Variants in TMEM232 observed in about 807,000 individuals in gnomAD.
TMEM232 encodes transmembrane protein 232.
A neutral mutation model predicts 78.8 loss-of-function variants in TMEM232; 80 were observed. The ratio of observed to expected loss-of-function variants is 1.01; its 90% CI spans 0.85 to 1.22. TMEM232 has a LOEUF of 1.22. Ranked by LOEUF, TMEM232 falls within the 50% of genes most tolerant of loss-of-function variation. The probability of loss-of-function intolerance (pLI) is 0.00; values close to 1 mark genes in which losing one functional copy is unlikely to be tolerated. For synonymous variants in TMEM232, 297 were observed against 254.3 expected, an observed-to-expected ratio of 1.17 and a Z score of -1.60; for missense variants, 881 against 742.2, an observed-to-expected ratio of 1.19 and a Z score of -2.17.
At chr5:110,694,931 A>T (rs547346003) in intron 1 of TMEM232, among the ~76,000 whole-genome samples, 1 of 152,278 alleles carries the variant, frequency 6.6e-6, no homozygotes, top group South Asian at 2.1e-4. Flanking sequence ...GGAATTGAAC[A>T]CAGCTCTGCA....
At chr5:110,680,316 G>C (rs1372312106) in intron 1 of TMEM232, among the ~76,000 whole-genome samples, 1 of 146,570 alleles carries the variant, frequency 6.8e-6, no homozygotes, top group Non-Finnish European at 1.5e-5. Flanking sequence ...AGAATCACTT[G>C]AACCCGGGAG....
chr5:110,670,252 T>A (rs1190794135), intron 1 of TMEM232, among the ~76,000 whole-genome samples: 1 of 152,118 alleles, frequency 6.6e-6, no homozygotes, highest in African/African-American at 2.4e-5. Flanking sequence ...CAGCCCAAAA[T>A]CTCCTTAAGC....
intron 11 of TMEM232, among the ~76,000 whole-genome samples, chr5:110,565,386 TTAGA>T (rs1776216928): frequency 6.6e-6 from 1 of 151,966 alleles, no homozygotes; most frequent in Admixed American, 6.6e-5. Flanking sequence ...CCAAGGTCAC[TTAGA>T]TACTCTGTGG....
intron 12 of TMEM232, among the ~76,000 whole-genome samples, chr5:110,482,463 C>T (rs907385785): frequency 2.0e-5 from 3 of 151,812 alleles, no homozygotes; most frequent in Non-Finnish European, 2.9e-5. Context: ...TGCTTATAAT[C>T]CCAGCTACTC....
chr5:110,420,823 C>A, intron 13 of TMEM232, 67 bp from the exon 14 acceptor site: 1 of 1,461,792 alleles, frequency 6.8e-7, no homozygotes, highest in Non-Finnish European at 8.9e-7. Flanking sequence ...TTTAGCTGCT[C>A]AAAATGCAGA....
chr5:110,700,366 T>C (rs1042387539), intron 1 of TMEM232, among the ~76,000 whole-genome samples: 3 of 152,038 alleles, frequency 2.0e-5, no homozygotes, highest in African/African-American at 7.2e-5. Context: ...TGTGGTCAAA[T>C]TGCACCAAAT....
intron 1 of TMEM232, among the ~76,000 whole-genome samples, chr5:110,672,934 C>T (rs1454271048): frequency 4.0e-5 from 6 of 151,854 alleles, no homozygotes; most frequent in Non-Finnish European, 5.9e-5. Context: ...ACCATTTGAC[C>T]CAGCCATCCC....
At chr5:110,707,275 A>G (rs1464402349) in intron 1 of TMEM232, among the ~76,000 whole-genome samples, 1 of 152,174 alleles carries the variant, frequency 6.6e-6, no homozygotes, top group African/African-American at 2.4e-5. Context: ...GTCATGAATC[A>G]CCGAAACCAC....
At position 110,700,136 on chromosome 5, in the gene TMEM232, A is replaced by C. The variant is rs1446965257; in HGVS notation, c.-13+26491T>G. ...CAAGAACCAGTAAATTGTTTCGCAC[A>C]AATAATTCCCCAGGTATTTTCTAAG... On this transcript the variant is annotated intron_variant, in intron 1 of 13. Coordinates refer to ENST00000455884, the MANE Select transcript of TMEM232 (RefSeq NM_001039763.4). 2.6e-5 allele frequency among the ~76,000 whole-genome samples: 4 copies of C among 152,198 alleles called. No homozygotes were observed. In the East Asian group the frequency reaches 7.7e-4, roughly 29 times the overall value.
At chr5:110,613,255 A>C (rs1782533916) in intron 8 of TMEM232, among the ~76,000 whole-genome samples, 1 of 151,920 alleles carries the variant, frequency 6.6e-6, no homozygotes, top group South Asian at 2.1e-4. Flanking sequence ...TTCTTTTTGT[A>C]CTGTAGGATC....
intron 1 of TMEM232, among the ~76,000 whole-genome samples, chr5:110,691,537 G>C (rs148455621): frequency 6.6e-6 from 1 of 152,330 alleles, no homozygotes; most frequent in African/African-American, 2.4e-5. Context: ...AGTGGGCCAA[G>C]ATGGCTTCAG....
intron 2 of TMEM232, among the ~76,000 whole-genome samples, chr5:110,404,527 T>G (rs1370740877): frequency 6.6e-6 from 1 of 152,084 alleles, no homozygotes; most frequent in Non-Finnish European, 1.5e-5. Flanking sequence ...GCCCTAAAGA[T>G]TAGGCAAATT....
Position 110,491,518 on chromosome 5 carries a change from A to AT in TMEM232, c.1703+37069dup, listed in dbSNP as rs531782728. Among the ~76,000 whole-genome samples, 46 of 152,160 alleles carry AT rather than the reference A, an allele frequency of 3.0e-4. 1 individual carries two copies. The highest frequency in any genetic ancestry group is 1.1e-3 in the African/African-American group (46 of 41,550). ...TGGGGGAAGAGAAGAATTGGAGAAT[A>AT]TTTCCTAATGGTAAAAGATTTCATT... is the stretch of plus-strand genomic sequence containing the variant. On this transcript the variant is annotated intron_variant, in intron 12 of 13. Transcript: ENST00000455884.
intron 10 of TMEM232, among the ~76,000 whole-genome samples, chr5:110,574,536 T>C (rs565930968): frequency 5.9e-5 from 9 of 152,144 alleles, no homozygotes; most frequent in African/African-American, 1.9e-4. Context: ...TGATTCATGG[T>C]GGGGTGGCTT....
At chr5:110,389,859 C>G (rs1331601283) in intron 4 of TMEM232, among the ~76,000 whole-genome samples, 2 of 152,150 alleles carry the variant, frequency 1.3e-5, no homozygotes, top group South Asian at 2.1e-4. Flanking sequence ...CGGTGAAATT[C>G]TTAATAAAAT....
chr5:110,591,030 G>T (rs1398292433), intron 10 of TMEM232, among the ~76,000 whole-genome samples: 1 of 152,152 alleles, frequency 6.6e-6, no homozygotes, highest in Non-Finnish European at 1.5e-5. Context: ...ACAATCGGAG[G>T]AGATTTGGGT....
chr5:110,617,313 C>CA (rs779172281), intron 8 of TMEM232, among the ~76,000 whole-genome samples: 1 of 152,018 alleles, frequency 6.6e-6, no homozygotes, highest in South Asian at 2.1e-4. Flanking sequence ...TCAAAGAGTG[C>CA]AAAGTTTCAG....
chr5:110,647,311 G>C (rs1787634018), intron 2 of TMEM232, among the ~76,000 whole-genome samples: 1 of 151,828 alleles, frequency 6.6e-6, no homozygotes, highest in Non-Finnish European at 1.5e-5. Flanking sequence ...GTTCATCAAA[G>C]AATGTCAGAT....
At chr5:110,441,334 T>A (rs2112757595) in intron 12 of TMEM232, among the ~76,000 whole-genome samples, 1 of 152,248 alleles carries the variant, frequency 6.6e-6, no homozygotes, top group Non-Finnish European at 1.5e-5. Flanking sequence ...TACCCTAACA[T>A]AATTGCAAGG....
Sources: gnomAD v4.1 joint callset for allele counts (sites outside exome capture counted in the v4.1 genomes callset) on GRCh38, gnomAD v4.1.1 for gene constraint, MANE v1.5 for transcripts, NCBI Gene and HGNC (gene_info 2026-07-23, HGNC 2026-07-21) for gene names.